Variants in MYBPC1 observed in about 807,000 individuals in gnomAD.
MYBPC1 encodes myosin-binding protein C, slow-type.
Under a neutral mutation model 147.1 loss-of-function variants are expected in MYBPC1, and 52 were observed. The observed-to-expected ratio is 0.35, with a 90% CI of 0.28 to 0.45. The LOEUF is 0.45. Ranked by LOEUF, MYBPC1 falls within the 20% of genes least tolerant of loss-of-function variation. The pLI is 1.00. For synonymous variants in MYBPC1, 477 were observed against 475.9 expected, an observed-to-expected ratio of 1.00 and a Z score of -0.03; for missense variants, 1,228 against 1,440.3, an observed-to-expected ratio of 0.85 and a Z score of 2.39.
In MYBPC1 at chr12:101,652,729, T is replaced by C. The variant is rs1361667989; in HGVS notation, c.1578T>C (p.Tyr526=). The C allele has an allele frequency of 6.2e-7, 1 of 1,614,094 alleles. No homozygotes were observed. Among genetic ancestry groups the C allele is most frequent in the Non-Finnish European group, 8.5e-7 (1 of 1,179,958 alleles). The part of the protein sequence containing the change: ...ANALTEDEGD[Y]VFAPDAYNVT... ...CCCTCACTGAAGATGAAGGTGATTATGTATTTGCACCTGATGCCTACAATG... is the reference window on the plus strand; with the variant it reads ...CCCTCACTGAAGATGAAGGTGATTACGTATTTGCACCTGATGCCTACAATG... Residue 526 remains tyrosine, a synonymous_variant, in exon 17 of 32, where the codon TAT becomes TAC. Coordinates refer to ENST00000361466, the MANE Select transcript of MYBPC1 (RefSeq NM_002465.4).
In MYBPC1 at chr12:101,670,346, A is replaced by C. The variant is rs750638306; in HGVS notation, c.2550A>C (p.Arg850Ser). 8 of 1,613,910 alleles carry C rather than the reference A, an allele frequency of 5.0e-6. No individual in the cohort carries two copies. The highest frequency in any genetic ancestry group is 6.8e-6 in the Non-Finnish European group (8 of 1,179,944). ...IIEPPKIRIPRHLKQTYIRRV... is the reference protein window; with the variant it reads ...IIEPPKIRIPSHLKQTYIRRV... ...AACCTCCAAAGATTCGCATTCCAAG[A>C]CACCTGAAGCAAACCTATATCCGCA... Residue 850 changes from arginine (R) to serine (S), a missense_variant, in exon 24 of 32, where the codon AGA (arginine) becomes AGC (serine). Arg to Ser is a moderately radical substitution (Grantham distance 110). Coordinates refer to ENST00000361466, the MANE Select transcript of MYBPC1 (RefSeq NM_002465.4).
intron 14 of MYBPC1, 85 bp downstream of exon 14, chr12:101,648,235 G>GCTTTTAAAC (rs1473880392): frequency 2.1e-6 from 2 of 953,510 alleles, no homozygotes; most frequent in African/African-American, 3.3e-5. Flanking sequence ...AGTACAAATA[G>GCTTTTAAAC]CTTTTAAACC....
chr12:101,634,614 A>C lies in MYBPC1; in HGVS notation c.608+9A>C. 6.2e-7 allele frequency: 1 copy of C among 1,607,150 alleles called. No homozygotes were observed. Among genetic ancestry groups the C allele is most frequent in the African/African-American group, 1.3e-5 (1 of 74,886 alleles). On this transcript the variant is annotated intron_variant, in intron 9 of 31. Coordinates refer to ENST00000361466, the MANE Select transcript of MYBPC1 (RefSeq NM_002465.4). The stretch of plus-strand genomic sequence containing the variant: ...TCTGCTTTCAAGAGAAGGTAACTCC[A>C]AAAGAAAAATCTAGATAGCTTTTGT...
At chr12:101,664,299 T>G (rs1427676233) in intron 22 of MYBPC1, 1 of 152,248 alleles carries the variant, frequency 6.6e-6, no homozygotes, top group Non-Finnish European at 1.5e-5. Flanking sequence ...AATCCTGTTG[T>G]GTTTCTTGGT....
chr12:101,652,764 C>T lies in MYBPC1; in HGVS notation c.1613C>T (p.Pro538Leu), dbSNP rs573923817. 2 of 1,613,134 alleles carry T rather than the reference C, an allele frequency of 1.2e-6. No individual in the cohort carries two copies. The highest frequency in any genetic ancestry group is 1.7e-5 in the Admixed American group (1 of 60,030). The change falls in exon 17 of 32, where the codon CCT becomes CTT. Residue 538 changes from proline to leucine, a missense_variant. Physicochemically the swap from Pro to Leu is moderately conservative, Grantham distance 98. Coordinates refer to ENST00000361466, the MANE Select transcript of MYBPC1 (RefSeq NM_002465.4). ...CCTGATGCCTACAATGTTACTCTGC[C>T]TGCCAAAGTTCATGTTATTGGTGAG... ...FAPDAYNVTL[P>L]AKVHVIDPPK...
intron 1 of MYBPC1, among the ~76,000 whole-genome samples, chr12:101,596,713 G>A (rs1877388312): frequency 6.6e-6 from 1 of 152,146 alleles, no homozygotes. Flanking sequence ...CTCTTTTATG[G>A]GGAATGAAAT....
Position 101,663,432 on chromosome 12 carries a change from C to G in MYBPC1, c.2228C>G (p.Thr743Arg). Residue 743 changes from threonine (T) to arginine (R), a missense_variant, in exon 22 of 32, where the codon ACA (threonine) becomes AGA (arginine). Thr to Arg is a moderately conservative substitution (Grantham distance 71, BLOSUM62 -1). Transcript: ENST00000361466. ...TGTCTCTTTTATCTTTAAGCTGTAA[C>G]AAGCCCTCCTACTCTTCTGACTGTG... is the stretch of plus-strand genomic sequence containing the variant. The part of the protein sequence containing the change: ...PSRPFVPLAV[T>R]SPPTLLTVDS... 1 of 1,613,622 alleles carries G rather than the reference C, an allele frequency of 6.2e-7. No homozygotes were observed. The highest frequency in any genetic ancestry group is 8.5e-7 in the Non-Finnish European group (1 of 1,179,558).
chr12:101,604,182 T>G (rs1734439015), intron 1 of MYBPC1, among the ~76,000 whole-genome samples: 1 of 152,156 alleles, frequency 6.6e-6, no homozygotes, highest in Non-Finnish European at 1.5e-5. Context: ...ATGTTAACAA[T>G]GAGAAGCTAT....
intron 10 of MYBPC1, among the ~76,000 whole-genome samples, chr12:101,641,794 G>A (rs1460800839): frequency 1.3e-5 from 2 of 150,704 alleles, no homozygotes; most frequent in African/African-American, 4.9e-5. Context: ...TAAAAACCAT[G>A]TGAAAAACAA....
Position 101,680,488 on chromosome 12 carries a change from A to C in MYBPC1, c.3392A>C (p.Asp1131Ala), listed in dbSNP as rs1472522633. ...ACTTACTGCTGCAAAGCAGTCAATG[A>C]CCTTGGGACAGTGGAGATTGAATGC... ...GGTYCCKAVN[D>A]LGTVEIECKL... The change falls in exon 29 of 32, where the codon GAC (aspartate) becomes GCC (alanine). Residue 1131 changes from aspartate (D) to alanine (A), a missense_variant. Transcript: ENST00000361466. 5 of 1,614,052 alleles carry C rather than the reference A, an allele frequency of 3.1e-6. No individual in the cohort carries two copies. The highest frequency in any genetic ancestry group is 1.7e-5 in the Admixed American group (1 of 60,002).
At chr12:101,647,184 A>G (rs1431228922) in intron 13 of MYBPC1, among the ~76,000 whole-genome samples, 1 of 152,222 alleles carries the variant, frequency 6.6e-6, no homozygotes, top group Non-Finnish European at 1.5e-5. Context: ...CACTCAATTG[A>G]TCACAAATAG....
intron 18 of MYBPC1, among the ~76,000 whole-genome samples, chr12:101,659,213 C>T (rs997746337): frequency 3.3e-5 from 5 of 152,204 alleles, no homozygotes; most frequent in African/African-American, 1.2e-4. Context: ...ATTTTCCAAA[C>T]ATCTAAGAAA....
rs545253570 is a variant in MYBPC1 at position 101,669,933 on chromosome 12, AAAAAAAG to A, written c.2525-381_2525-375del. 7.2e-4 allele frequency: 243 copies of A among 338,392 alleles called. 2 individuals are homozygous for A. Among genetic ancestry groups the A allele is most frequent in the African/African-American group, 2.5e-3 (113 of 45,492 alleles). The allele number at this position is 338,392 out of a possible 1,614,324, so 21.0% of individuals were successfully genotyped here. On this transcript the variant is annotated intron_variant, in intron 23 of 31. Transcript: ENST00000361466. The stretch of plus-strand genomic sequence containing the variant: ...GCGACAGAGAGAGACTCTCTGAAAA[AAAAAAAG>A]AAAAAAAAAAAGAAACTATGAAAAG...
At chr12:101,674,223 C>T (rs1899346251) in intron 25 of MYBPC1, among the ~76,000 whole-genome samples, 1 of 152,180 alleles carries the variant, frequency 6.6e-6, no homozygotes, top group African/African-American at 2.4e-5. Flanking sequence ...CTCTTAGTTT[C>T]TCATCTCCCT....
At chr12:101,673,359 A>T in intron 24 of MYBPC1, 68 bp from the exon 25 acceptor site, 1 of 1,544,388 alleles carries the variant, frequency 6.5e-7, no homozygotes. Flanking sequence ...TGTCCTTCTC[A>T]TAATGCTGAA....
rs372129478 is a variant in MYBPC1 at position 101,653,311 on chromosome 12, C to T, written c.1767+63C>T. 3,598 of 1,585,558 alleles carry T rather than the reference C, an allele frequency of 2.3e-3. 85 individuals are homozygous for T. The South Asian group carries it at 0.035, about 15-fold the overall frequency. ...ACATATGCAGACACACTGCCTACCC[C>T]ACCCCTTGCCCTCCATTATTCAGAT... On this transcript the variant is annotated intron_variant, in intron 18 of 31. Transcript: ENST00000361466.
intron 3 of MYBPC1, among the ~76,000 whole-genome samples, chr12:101,617,890 C>G (rs971442783): frequency 4.6e-5 from 7 of 152,016 alleles, no homozygotes; most frequent in Admixed American, 2.6e-4. Flanking sequence ...TTTGTCTCAC[C>G]ATGGAAGAAA....
At chr12:101,614,627 C>T in intron 2 of MYBPC1, 96 bp downstream of exon 2, 2 of 1,270,968 alleles carry the variant, frequency 1.6e-6, no homozygotes, top group Non-Finnish European at 2.3e-6. Context: ...GAGCTGTGAG[C>T]TTTAACCTAA....
At chr12:101,596,898 A>T (rs1877465489) in intron 1 of MYBPC1, among the ~76,000 whole-genome samples, 1 of 152,212 alleles carries the variant, frequency 6.6e-6, no homozygotes, top group Admixed American at 6.6e-5. Context: ...CAGTAATTTT[A>T]TACCCATAAA....
Sources: gnomAD v4.1 joint callset for allele counts (sites outside exome capture counted in the v4.1 genomes callset) on GRCh38, gnomAD v4.1.1 for gene constraint, MANE v1.5 for transcripts, NCBI Gene and HGNC (gene_info 2026-07-23, HGNC 2026-07-21) for gene names.